KIAA2012: variants seen among roughly 807,000 people sequenced by gnomAD.
KIAA2012 encodes KIAA2012.
In KIAA2012, 125 loss-of-function variants were observed where a neutral mutation model predicts 150.6. That is an observed-to-expected ratio of 0.83 (90% confidence interval 0.72 to 0.96). KIAA2012 has a LOEUF of 0.96. Ranked by LOEUF, KIAA2012 falls within the 40% of genes least tolerant of loss-of-function variation. The probability of loss-of-function intolerance (pLI) is 0.00; values close to 1 mark genes in which losing one functional copy is unlikely to be tolerated. For synonymous variants in KIAA2012, 462 were observed against 504.7 expected, an observed-to-expected ratio of 0.92 and a Z score of 1.13; for missense variants, 1,219 against 1,354.9, an observed-to-expected ratio of 0.90 and a Z score of 1.57.
Position 202,099,636 on chromosome 2 carries a change from T to C in KIAA2012, c.852T>C (p.Leu284=), listed in dbSNP as rs1405350490. 2.3e-5 allele frequency: 35 copies of C among 1,550,120 alleles called. No homozygotes were observed. Among genetic ancestry groups the C allele is most frequent in the Non-Finnish European group, 2.9e-5 (33 of 1,146,828 alleles). ...QAEDTSIENH[L]CLYASKESYN... ...AGGACACGTCAATAGAGAATCACCTTTGTTTATATGCTTCAAAGGAGAGCT... is the reference window on the plus strand; with the variant it reads ...AGGACACGTCAATAGAGAATCACCTCTGTTTATATGCTTCAAAGGAGAGCT... Residue 284 remains leucine, a synonymous_variant, in exon 6 of 24, where the codon CTT becomes CTC. Transcript: ENST00000498697.
At chr2:202,133,130 A>ATATATATATATATTTTTTTATTTT (rs1279080237) in intron 12 of KIAA2012, among the ~76,000 whole-genome samples, 1 of 67,780 alleles carries the variant, frequency 1.5e-5, no homozygotes, top group South Asian at 5.3e-4. Flanking sequence ...ATATATATAT[A>ATATATATATATATTTTTTTATTTT]TTTTTTTTTT....
chr2:202,179,476 T>C, intron 15 of KIAA2012: 1 of 708,246 alleles, frequency 1.4e-6, no homozygotes, highest in Non-Finnish European at 2.7e-6. Flanking sequence ...ATGAGCGAAG[T>C]GTAGACAAAG....
At position 202,105,818 on chromosome 2, in the gene KIAA2012, G is replaced by A. The variant is rs1690173889; in HGVS notation, c.1382G>A (p.Arg461Lys). 1.9e-6 allele frequency: 3 copies of A among 1,550,558 alleles called. No individual in the cohort carries two copies. Among genetic ancestry groups the A allele is most frequent in the South Asian group, 2.4e-5 (2 of 84,066 alleles). Residue 461 changes from arginine (R) to lysine (K), a missense_variant, in exon 9 of 24, where the codon AGA (arginine) becomes AAA (lysine). Physicochemically the swap from Arg to Lys is conservative, Grantham distance 26 (BLOSUM62 2). Coordinates refer to ENST00000498697, the MANE Select transcript of KIAA2012 (RefSeq NM_001277372.4). ...AGCGAAGAATCCACACCTGTGTGGA[G>A]ACCTCCCCTGAAGCATGCGTCCTTA... ...ESSEESTPVW[R>K]PPLKHASLET...
chr2:202,149,104 G>A (rs1691367102), intron 13 of KIAA2012, among the ~76,000 whole-genome samples: 1 of 152,168 alleles, frequency 6.6e-6, no homozygotes, highest in South Asian at 2.1e-4. Flanking sequence ...ACCCTAGCAG[G>A]GGGCGGGAGG....
chr2:202,172,616 G>A (rs545199542), intron 15 of KIAA2012, among the ~76,000 whole-genome samples: 9 of 152,308 alleles, frequency 5.9e-5, no homozygotes, highest in African/African-American at 1.4e-4. Flanking sequence ...GGTCAGTTTC[G>A]TTTTGAAGAC....
chr2:202,096,046 T>C (rs995525335), intron 4 of KIAA2012, among the ~76,000 whole-genome samples: 3 of 152,062 alleles, frequency 2.0e-5, no homozygotes, highest in Non-Finnish European at 1.5e-5. Context: ...ATCATGCCAC[T>C]GCACTCCAGC....
At chr2:202,132,528 A>G (rs568713620) in intron 12 of KIAA2012, among the ~76,000 whole-genome samples, 2 of 151,414 alleles carry the variant, frequency 1.3e-5, no homozygotes, top group South Asian at 2.1e-4. Flanking sequence ...TTAGCCAGGC[A>G]TGGTGGCACA....
chr2:202,134,729 A>G (rs1022586476), intron 12 of KIAA2012, among the ~76,000 whole-genome samples: 3 of 151,822 alleles, frequency 2.0e-5, no homozygotes, highest in African/African-American at 7.3e-5. Flanking sequence ...TAATTTTTGT[A>G]TTTTTAGTAG....
intron 15 of KIAA2012, among the ~76,000 whole-genome samples, chr2:202,181,153 A>G (rs768352864): frequency 2.6e-5 from 4 of 152,116 alleles, no homozygotes. Context: ...TATTTTTTGT[A>G]GAGACAGGAT....
chr2:202,120,291 G>T (rs1690626601), intron 11 of KIAA2012, among the ~76,000 whole-genome samples: 1 of 152,142 alleles, frequency 6.6e-6, no homozygotes, highest in African/African-American at 2.4e-5. Flanking sequence ...TGGGAGTATT[G>T]CTTGAGCCTG....
chr2:202,192,067 A>C (rs1445303009), intron 19 of KIAA2012, among the ~76,000 whole-genome samples: 1 of 152,216 alleles, frequency 6.6e-6, no homozygotes, highest in African/African-American at 2.4e-5. Flanking sequence ...TATAGTTCTC[A>C]GTCCCTCCCA....
At chr2:202,094,356 C>T (rs191877547) in intron 4 of KIAA2012, among the ~76,000 whole-genome samples, 185 of 152,144 alleles carry the variant, frequency 1.2e-3, no homozygotes, top group East Asian at 3.1e-3. Flanking sequence ...GGAAATGATC[C>T]GGTCAGGATA....
In KIAA2012 at chr2:202,074,933, A is replaced by C. The variant is rs1689289046; in HGVS notation, c.127A>C (p.Ser43Arg). Residue 43 changes from serine to arginine, a missense_variant, in exon 2 of 24, where the codon AGC (serine) becomes CGC (arginine). Transcript: ENST00000498697. ...WRSPEDYVPV[S>R]KPQDKNNASQ... is the part of the protein sequence containing the mutation. ...GTCCCCAGAAGACTATGTTCCTGTC[A>C]GCAAACCTCAAGATAAGAACAATGC... 6.4e-7 allele frequency: 1 copy of C among 1,550,902 alleles called. No homozygotes were observed. Among genetic ancestry groups the C allele is most frequent in the Non-Finnish European group, 8.7e-7 (1 of 1,147,060 alleles).
chr2:202,198,066 C>T (rs1048823388), intron 22 of KIAA2012, among the ~76,000 whole-genome samples: 2 of 144,622 alleles, frequency 1.4e-5, no homozygotes, highest in Non-Finnish European at 3.0e-5. Context: ...TCCAGCTACT[C>T]GGGAGGCTGA....
In KIAA2012 at chr2:202,202,509, A is replaced by G. The variant is rs989872312; in HGVS notation, c.3488A>G (p.Asn1163Ser). 3 of 399,012 alleles carry G rather than the reference A, an allele frequency of 7.5e-6. No homozygotes were observed. Among genetic ancestry groups the G allele is most frequent in the Non-Finnish European group, 4.4e-6 (1 of 226,144 alleles). The allele number at this position is 399,012 out of a possible 1,614,324, so 24.7% of individuals were successfully genotyped here. The change falls in exon 23 of 24, where the codon AAC becomes AGC. Residue 1163 changes from asparagine (N) to serine (S), a missense_variant. By Grantham distance (46) the Asn-to-Ser change is conservative. Coordinates refer to ENST00000498697, the MANE Select transcript of KIAA2012 (RefSeq NM_001277372.4). ...KEASGLQWTQ[N>S]ISRPWVYSYF... ...GCCAGTGGCCTGCAGTGGACACAGAACATTTCCAGACCATGGGTTTACTCT... is the reference window on the plus strand; with the variant it reads ...GCCAGTGGCCTGCAGTGGACACAGAGCATTTCCAGACCATGGGTTTACTCT...
At chr2:202,161,125 G>A (rs934940304) in intron 14 of KIAA2012, among the ~76,000 whole-genome samples, 2 of 152,140 alleles carry the variant, frequency 1.3e-5, no homozygotes, top group Non-Finnish European at 2.9e-5. Flanking sequence ...AGGCTCAGGG[G>A]TTAAGTAACT....
At chr2:202,083,765 G>C (rs1689503347) in intron 2 of KIAA2012, among the ~76,000 whole-genome samples, 1 of 151,876 alleles carries the variant, frequency 6.6e-6, no homozygotes, top group Non-Finnish European at 1.5e-5. Context: ...CAGGGGGGCG[G>C]GGGGGCTGTA....
At position 202,123,108 on chromosome 2, in the gene KIAA2012, A is replaced by G. The variant is rs563842141; in HGVS notation, c.1763-2106A>G. 1.4e-4 allele frequency among the ~76,000 whole-genome samples: 22 copies of G among 152,332 alleles called. 1 individual carries two copies. In the South Asian group the frequency reaches 4.6e-3, roughly 32 times the overall value. On this transcript the variant is annotated intron_variant, in intron 11 of 23. Transcript: ENST00000498697. ...GAAATGGTTGAGCTTCCTAGCAGGCAGCTGTGGTAAATAATGAGTTCTAAG... is the reference window on the plus strand; with the variant it reads ...GAAATGGTTGAGCTTCCTAGCAGGCGGCTGTGGTAAATAATGAGTTCTAAG...
intron 2 of KIAA2012, 44 bp from the exon 3 acceptor site, chr2:202,090,726 C>T (rs1421099962): frequency 1.3e-6 from 2 of 1,513,762 alleles, no homozygotes; most frequent in Admixed American, 4.1e-5. Flanking sequence ...CTGGGTGGCT[C>T]AGGGGTCAGC....
Sources: allele counts gnomAD v4.1 joint callset (sites outside exome capture counted in the v4.1 genomes callset), GRCh38; gene constraint gnomAD v4.1.1; transcripts MANE v1.5; gene names NCBI Gene and HGNC (gene_info 2026-07-23, HGNC 2026-07-21).